MAP3K3: variants seen among roughly 807,000 people sequenced by gnomAD.
MAP3K3 encodes MAP/ERK kinase kinase 3.
In MAP3K3, 12 loss-of-function variants were observed where a neutral mutation model predicts 80.9. The observed-to-expected ratio is 0.15, with a 90% CI of 0.10 to 0.24. The LOEUF (loss-of-function observed/expected upper bound fraction) is 0.24, where lower values mean the gene tolerates loss of function less well. Among genes scored for constraint, MAP3K3 ranks in the 10% least tolerant of loss-of-function variants. The pLI is 1.00. For missense variants in MAP3K3, 596 were observed against 834.7 expected (o/e 0.71, Z 3.52); for synonymous variants, 272 against 307.1 (o/e 0.89, Z 1.19).
chr17:63,654,697 A>G (rs1235556208), intron 4 of MAP3K3, among the ~76,000 whole-genome samples: 3 of 152,214 alleles, frequency 2.0e-5, no homozygotes, highest in African/African-American at 4.8e-5. Flanking sequence ...GTATTAGTCT[A>G]TTCTCACTCT....
chr17:63,656,785 G>T (rs1160019711), intron 4 of MAP3K3, among the ~76,000 whole-genome samples: 1 of 152,130 alleles, frequency 6.6e-6, no homozygotes, highest in African/African-American at 2.4e-5. Flanking sequence ...GAACGTATGA[G>T]TGTATTAGTC....
intron 4 of MAP3K3, among the ~76,000 whole-genome samples, chr17:63,654,080 G>GCTGGTCTCA (rs2034714889): frequency 6.6e-6 from 1 of 152,210 alleles, no homozygotes; most frequent in African/African-American, 2.4e-5. Context: ...TGTTGCCCAG[G>GCTGGTCTCA]CTGGTCTCAA....
intron 6 of MAP3K3, among the ~76,000 whole-genome samples, chr17:63,671,503 C>T (rs2035108699): frequency 6.6e-6 from 1 of 152,070 alleles, no homozygotes; most frequent in African/African-American, 2.4e-5. Context: ...ATCCACCTGC[C>T]TCAGCCTCCC....
intron 7 of MAP3K3, among the ~76,000 whole-genome samples, chr17:63,683,861 C>T (rs557756588): frequency 1.3e-5 from 2 of 152,146 alleles, no homozygotes; most frequent in East Asian, 3.9e-4. Context: ...ATTTTTCCAA[C>T]AAAAATTATG....
rs1316165392 is a variant in MAP3K3, at chr17:63,691,200, G to T, written c.1311G>T (p.Lys437Asn). 20 of 1,614,062 alleles carry T rather than the reference G, an allele frequency of 1.2e-5. No individual in the cohort carries two copies. Among genetic ancestry groups the T allele is most frequent in the Non-Finnish European group, 1.6e-5 (19 of 1,180,042 alleles). ...GCTGTCTGCGGGACCGCGCTGAGAAGACCCTGACCATCTTCATGGAGTACA... is the reference window on the plus strand; with the variant it reads ...GCTGTCTGCGGGACCGCGCTGAGAATACCCTGACCATCTTCATGGAGTACA... ...YYGCLRDRAEKTLTIFMEYMP... is the reference protein window; with the variant it reads ...YYGCLRDRAENTLTIFMEYMP... The change falls in exon 13 of 16, where the codon AAG (lysine) becomes AAT (asparagine). Residue 437 changes from lysine (K) to asparagine (N), a missense_variant. Around this residue, in one of 2 missense-constraint regions of MAP3K3, gnomAD observed 364 missense variants for 588.9 expected, o/e 0.62. Transcript: ENST00000361733. This position sits in a 1 kb window ranked among gnomAD's most constrained non-coding sequence, Gnocchi z 4.8.
In MAP3K3 at chr17:63,652,578, T is replaced by A. The variant is rs1414115869; in HGVS notation, c.189T>A (p.Pro63=). 3 of 1,613,662 alleles carry A rather than the reference T, an allele frequency of 1.9e-6. No individual in the cohort carries two copies. Among genetic ancestry groups the A allele is most frequent in the African/African-American group, 1.3e-5 (1 of 75,042 alleles). ...GERRIIAFSR[P]VKYEDVEHKV... ...TCAGAATTATAGCGTTCAGCCGGCC[T>A]GTGAAATATGAAGATGTGGAGCACA... The change falls in exon 4 of 16, where the codon CCT becomes CCA. Residue 63 remains proline (P), a synonymous_variant. Coordinates refer to ENST00000361733, the MANE Select transcript of MAP3K3 (RefSeq NM_002401.5).
At chr17:63,690,039 A>AT (rs1469913181) in intron 11 of MAP3K3, 14 of 600,490 alleles carry the variant, frequency 2.3e-5, no homozygotes, top group African/African-American at 5.6e-5. Flanking sequence ...GCAGAAGAGC[A>AT]TTTAACCATG....
At position 63,693,759 on chromosome 17, in the gene MAP3K3, T is replaced by C; in HGVS notation, c.1863T>C (p.Phe621=). 1 of 1,602,244 alleles carries C rather than the reference T, an allele frequency of 6.2e-7. No individual in the cohort carries two copies. The highest frequency in any genetic ancestry group is 8.5e-7 in the Non-Finnish European group (1 of 1,173,818). ...CTGAGGAGCTGCTCACACACCACTT[T>C]GCACAGCTCATGTACTGAGCTCTCA... The part of the protein sequence containing the change: ...PSAEELLTHH[F]AQLMY Residue 621 remains phenylalanine, a synonymous_variant, in exon 16 of 16, where the codon TTT becomes TTC. Coordinates refer to ENST00000361733, the MANE Select transcript of MAP3K3 (RefSeq NM_002401.5). The surrounding 1 kb of genome is among the most constrained non-coding windows in gnomAD (Gnocchi z 4.2).
rs535724632 is a variant in MAP3K3 at position 63,645,969 on chromosome 17, T to C, written c.127-65T>C. ...TGCTAACGAACTGCCCAAGGCTTAC[T>C]TGGCAATGGCAGGAGTGACACATTC... On this transcript the variant is annotated intron_variant, in intron 2 of 15. Coordinates refer to ENST00000361733, the MANE Select transcript of MAP3K3 (RefSeq NM_002401.5). 77 of 1,340,774 alleles carry C rather than the reference T, an allele frequency of 5.7e-5. No individual in the cohort carries two copies. The African/African-American group carries it at 1.1e-3, about 18-fold the overall frequency. The allele number at this position is 1,340,774 out of a possible 1,614,324, so 83.1% of individuals were successfully genotyped here.
At chr17:63,630,038 A>G (rs1380392572) in intron 1 of MAP3K3, among the ~76,000 whole-genome samples, 1 of 152,194 alleles carries the variant, frequency 6.6e-6, no homozygotes, top group Non-Finnish European at 1.5e-5. Context: ...AAAGAACTGA[A>G]AATTCTCAAT....
Position 63,652,667 on chromosome 17 carries a change from A to C in MAP3K3, c.267+11A>C. ...TACATGAACAATGAGGTGAGAAGGC[A>C]GATGGATGGGGCAGGGACAAGAGGG... On this transcript the variant is annotated intron_variant, in intron 4 of 15. Coordinates refer to ENST00000361733, the MANE Select transcript of MAP3K3 (RefSeq NM_002401.5). 1 of 1,579,222 alleles carries C rather than the reference A, an allele frequency of 6.3e-7. No homozygotes were observed. The highest frequency in any genetic ancestry group is 1.3e-5 in the African/African-American group (1 of 74,398).
At chr17:63,669,802 A>G (rs1168705909) in intron 6 of MAP3K3, among the ~76,000 whole-genome samples, 1 of 152,134 alleles carries the variant, frequency 6.6e-6, no homozygotes, top group African/African-American at 2.4e-5. Context: ...TTGTTCATTC[A>G]TTCAAAAGAT....
At chr17:63,657,501 G>T (rs1489176992) in intron 4 of MAP3K3, among the ~76,000 whole-genome samples, 1 of 152,132 alleles carries the variant, frequency 6.6e-6, no homozygotes, top group African/African-American at 2.4e-5. Flanking sequence ...TGGGAAGGAG[G>T]AGTGACTATA....
intron 1 of MAP3K3, among the ~76,000 whole-genome samples, chr17:63,628,425 A>G (rs1294089972): frequency 6.9e-6 from 1 of 145,148 alleles, no homozygotes; most frequent in Non-Finnish European, 1.5e-5. Flanking sequence ...CAATGGCACC[A>G]TCTTGGCTCA....
intron 5 of MAP3K3, among the ~76,000 whole-genome samples, chr17:63,663,317 A>G (rs1240800519): frequency 6.6e-6 from 1 of 152,048 alleles, no homozygotes; most frequent in African/African-American, 2.4e-5. Context: ...GGCCTGACCA[A>G]CATGGTGAAA....
intron 4 of MAP3K3, among the ~76,000 whole-genome samples, chr17:63,656,213 G>A (rs2034764192): frequency 6.6e-6 from 1 of 151,902 alleles, no homozygotes. Flanking sequence ...CTGGGCAACA[G>A]AGGGAGATGC....
At chr17:63,687,208 A>G (rs900230135) in intron 8 of MAP3K3, among the ~76,000 whole-genome samples, 1 of 116,642 alleles carries the variant, frequency 8.6e-6, no homozygotes, top group Non-Finnish European at 1.7e-5. Context: ...TCTACTAAAA[A>G]TGAAAAAAAA....
chr17:63,691,025 T>G lies in MAP3K3; in HGVS notation c.1213-77T>G. 1 of 1,582,384 alleles carries G rather than the reference T, an allele frequency of 6.3e-7. No homozygotes were observed. Among genetic ancestry groups the G allele is most frequent in the Non-Finnish European group, 8.6e-7 (1 of 1,158,384 alleles). On this transcript the variant is annotated intron_variant, in intron 12 of 15. Transcript: ENST00000361733. The surrounding 1 kb of genome is among the most constrained non-coding windows in gnomAD (Gnocchi z 4.8). ...GGCAGATCCCTGTGAGGCCACTAAC[T>G]AGGGCAAGCTGAGCTGAACCCAGGC...
chr17:63,631,964 G>A (rs56805081), intron 1 of MAP3K3, among the ~76,000 whole-genome samples: 2,582 of 152,198 alleles, frequency 0.017, 72 homozygotes, highest in African/African-American at 0.059. Flanking sequence ...TCCTTATGAT[G>A]CTTTAAGAAT....
Sources: allele counts gnomAD v4.1 joint callset (sites outside exome capture counted in the v4.1 genomes callset), GRCh38; gene constraint gnomAD v4.1.1; regional missense constraint gnomAD v4.1.1; non-coding constraint Gnocchi (gnomAD v3.1); transcripts MANE v1.5; gene names NCBI Gene and HGNC (gene_info 2026-07-23, HGNC 2026-07-21).